Variants in TTC34 observed in about 807,000 individuals in gnomAD.
TTC34 encodes the protein tetratricopeptide repeat protein 34.
Under a neutral mutation model 40.7 loss-of-function variants are expected in TTC34, and 44 were observed. That is an observed-to-expected ratio of 1.08 (90% CI 0.85 to 1.39). The LOEUF (loss-of-function observed/expected upper bound fraction) is 1.39, where lower values mean the gene tolerates loss of function less well. TTC34 is among the 40% of genes most tolerant of loss of function. The pLI is 0.00. For missense variants in TTC34, 884 were observed against 838.0 expected (o/e 1.05, Z -0.68); for synonymous variants, 422 against 398.6 (o/e 1.06, Z -0.70).
chr1:2,767,963 C>T (rs890304820), intron 6 of TTC34, among the ~76,000 whole-genome samples: 2 of 150,238 alleles, frequency 1.3e-5, no homozygotes, highest in Admixed American at 6.6e-5. Context: ...GGAACAGCAC[C>T]CCCACTCACA....
chr1:2,677,652 C>T (rs1570792902), intron 6 of TTC34, among the ~76,000 whole-genome samples: 1 of 151,026 alleles, frequency 6.6e-6, no homozygotes, highest in Admixed American at 6.6e-5. Flanking sequence ...CACACACACC[C>T]CCAGGCGAGC....
intron 6 of TTC34, among the ~76,000 whole-genome samples, chr1:2,753,236 G>C (rs1641385435): frequency 1.6e-5 from 2 of 121,222 alleles, no homozygotes; most frequent in South Asian, 5.8e-4. Context: ...GCATCTGACA[G>C]CCTGGAGCAG....
At chr1:2,640,839 A>C (rs1224710269) in exon 9 of TTC34, 1 of 151,242 alleles carries the variant, frequency 6.6e-6, no homozygotes, top group African/African-American at 2.4e-5. Flanking sequence ...TCTGAGCCCC[A>C]GGTGTGGGCC....
exon 4 of TTC34, chr1:2,787,583 C>G: frequency 1.9e-6 from 3 of 1,549,136 alleles, no homozygotes; most frequent in Non-Finnish European, 1.7e-6. Context: ...CCAGCAGGGC[C>G]TTGTGGGTCT....
intron 6 of TTC34, among the ~76,000 whole-genome samples, chr1:2,688,372 C>G (rs1241472380): frequency 1.4e-5 from 2 of 147,254 alleles, no homozygotes; most frequent in Non-Finnish European, 3.0e-5. Flanking sequence ...ACCCACACGC[C>G]CAGGTGAGCA....
intron 5 of TTC34, among the ~76,000 whole-genome samples, chr1:2,784,990 T>TGCTCTGGGCTGCTCTGGGCC (rs1553170484): frequency 2.6e-5 from 4 of 150,952 alleles, no homozygotes; most frequent in South Asian, 4.2e-4. Flanking sequence ...CGCTCTGGGC[T>TGCTCTGGGCTGCTCTGGGCC]GCTCTGGGCC....
At chr1:2,784,102 G>A (rs142067716) in intron 5 of TTC34, among the ~76,000 whole-genome samples, 2,095 of 152,186 alleles carry the variant, frequency 0.014, 23 homozygotes, top group Admixed American at 0.024. Flanking sequence ...GGCCCCGAAC[G>A]GCTGAGCGCA....
intron 6 of TTC34, among the ~76,000 whole-genome samples, chr1:2,652,111 ACAGCACCCTGCACC>A (rs1557584393): frequency 2.3e-3 from 14 of 5,958 alleles, no homozygotes; most frequent in South Asian, 5.8e-3. Context: ...ACAGACTGGA[ACAGCACCCTGCACC>A]CCCAGGTGAG....
exon 2 of TTC34, chr1:2,800,788 C>G: frequency 5.0e-6 from 2 of 398,724 alleles, no homozygotes; most frequent in Non-Finnish European, 8.8e-6. Flanking sequence ...TGCTCCCCCT[C>G]CCGGCAGAGG....
At chr1:2,798,041 T>TCAGCCTCC (rs1393975761) in intron 2 of TTC34, among the ~76,000 whole-genome samples, 4 of 149,932 alleles carry the variant, frequency 2.7e-5, no homozygotes, top group African/African-American at 4.9e-5. Context: ...TCCCAGTCTC[T>TCAGCCTCC]CAGCCTCCCA....
rs1297828254 is a variant in TTC34, at chr1:2,751,729, C to G, written c.2226+31880G>C. On this transcript the variant is annotated intron_variant, in intron 6 of 8. Coordinates refer to ENST00000401095, the Ensembl canonical transcript of TTC34. The stretch of plus-strand genomic sequence containing the variant: ...GACAGCCTGGAGCAGCACCCACACC[C>G]CCAGGTGAGCATCTGACATCGTAGA... Among the ~76,000 whole-genome samples, 10 of 139,736 alleles carry G rather than the reference C, an allele frequency of 7.2e-5. No homozygotes were observed. The South Asian group carries it at 7.3e-4, about 10-fold the overall frequency. The allele number at this position is 139,736 out of a possible 152,430, so 91.7% of individuals were successfully genotyped here. A position where few individuals can be genotyped will look rare whatever the true frequency, so the allele number is the denominator to read the frequency against.
intron 6 of TTC34, among the ~76,000 whole-genome samples, chr1:2,687,278 C>G (rs1265066909): frequency 2.1e-5 from 3 of 143,470 alleles, no homozygotes; most frequent in Non-Finnish European, 4.4e-5. Context: ...TGGAGCAGCA[C>G]CCACAACCAC....
chr1:2,652,237 C>A (rs1157916545), intron 6 of TTC34, among the ~76,000 whole-genome samples: 7 of 144,716 alleles, frequency 4.8e-5, no homozygotes, highest in Non-Finnish European at 7.5e-5. Context: ...CCTGGAACAG[C>A]ACCCACACCC....
At chr1:2,652,833 A>AACAGCACCCACACCCCCAG (rs2100218664) in intron 6 of TTC34, among the ~76,000 whole-genome samples, 1 of 87,476 alleles carries the variant, frequency 1.1e-5, no homozygotes, top group East Asian at 2.7e-4. Flanking sequence ...GACAGCCTGG[A>AACAGCACCCACACCCCCAG]ATGGCACCCA....
chr1:2,676,879 A>C, intron 6 of TTC34, among the ~76,000 whole-genome samples: 3 of 48,450 alleles, frequency 6.2e-5, no homozygotes, highest in African/African-American at 1.5e-4. Context: ...GTGGAGCCGC[A>C]CCCCACACCC....
intron 6 of TTC34, among the ~76,000 whole-genome samples, chr1:2,698,460 T>C (rs1200770775): frequency 4.8e-4 from 13 of 27,078 alleles, no homozygotes; most frequent in Non-Finnish European, 7.4e-4. Flanking sequence ...CAGGTGGGCA[T>C]GTGACAGCCT....
exon 2 of TTC34, chr1:2,800,855 G>C (rs1643765167): frequency 2.5e-6 from 1 of 398,622 alleles, no homozygotes; most frequent in Non-Finnish European, 4.4e-6. Context: ...GCCCATGTCT[G>C]GTCCTCAGAG....
chr1:2,778,675 G>T (rs567625460), intron 6 of TTC34, among the ~76,000 whole-genome samples: 91 of 152,326 alleles, frequency 6.0e-4, no homozygotes, highest in African/African-American at 2.1e-3. Flanking sequence ...TATCCCCAGG[G>T]TGCCTCCTCT....
intron 6 of TTC34, among the ~76,000 whole-genome samples, chr1:2,756,655 C>T (rs1641515840): frequency 1.9e-5 from 1 of 52,192 alleles, no homozygotes; most frequent in African/African-American, 6.4e-5. Flanking sequence ...CAGCCTGGAA[C>T]AGCACCCACA....
Sources: gnomAD v4.1 joint callset for allele counts (sites outside exome capture counted in the v4.1 genomes callset) on GRCh38, gnomAD v4.1.1 for gene constraint, MANE v1.5 for transcripts, NCBI Gene and HGNC (gene_info 2026-07-23, HGNC 2026-07-21) for gene names.